HECW1: variants seen among roughly 807,000 people sequenced by gnomAD.
The protein encoded by HECW1 is HECT, C2 and WW domain containing E3 ubiquitin protein ligase 1.
HECW1 carries 61 observed loss-of-function variants against 182.3 expected under a neutral mutation model. The ratio of observed to expected loss-of-function variants is 0.33; its 90% CI spans 0.27 to 0.41. The LOEUF (loss-of-function observed/expected upper bound fraction) is 0.41, where lower values mean the gene tolerates loss of function less well. Among genes scored for constraint, HECW1 ranks in the 10% least tolerant of loss-of-function variants. The pLI, the probability that HECW1 is intolerant of heterozygous loss-of-function variation, is 1.00. For synonymous variants in HECW1, 859 were observed against 832.6 expected, an observed-to-expected ratio of 1.03 and a Z score of -0.55; for missense variants, 1,739 against 2,108.9, an observed-to-expected ratio of 0.82 and a Z score of 3.44.
At chr7:43,552,036 T>C (rs908271013) in intron 27 of HECW1, among the ~76,000 whole-genome samples, 186 bp from the exon 28 acceptor site, 2 of 152,200 alleles carry the variant, frequency 1.3e-5, no homozygotes, top group African/African-American at 4.8e-5. Flanking sequence ...CATATGAATT[T>C]GGGGAAGGAA....
Position 43,311,779 on chromosome 7 carries a change from G to A in HECW1, c.44G>A (p.Arg15Lys). 6.2e-7 allele frequency: 1 copy of A among 1,613,912 alleles called. No homozygotes were observed. Among genetic ancestry groups the A allele is most frequent in the African/African-American group, 1.3e-5 (1 of 75,042 alleles). ...LCSVKNLYQN[R>K]FLGLAAMASP... ...CTCCCACAGAATCTGTACCAGAACA[G>A]GTTTTTAGGCCTGGCCGCCATGGCG... The change falls in exon 4 of 30, where the codon AGG becomes AAG. Residue 15 changes from arginine to lysine, a missense_variant. Coordinates refer to ENST00000395891, the MANE Select transcript of HECW1 (RefSeq NM_015052.5).
intron 2 of HECW1, among the ~76,000 whole-genome samples, chr7:43,163,682 A>G (rs1011403654): frequency 2.6e-5 from 4 of 152,134 alleles, no homozygotes; most frequent in African/African-American, 9.7e-5. Context: ...GGTTCGATCA[A>G]CTAAGCTCCC....
At chr7:43,124,975 G>T (rs1224391599) in intron 2 of HECW1, among the ~76,000 whole-genome samples, 1 of 152,110 alleles carries the variant, frequency 6.6e-6, no homozygotes, top group Non-Finnish European at 1.5e-5. Context: ...AAATACCATA[G>T]ACTGAGTGAC....
rs184794122 is a variant in HECW1 at position 43,228,929 on chromosome 7, A to G, written c.-31-14946A>G. On this transcript the variant is annotated intron_variant, in intron 2 of 29. Coordinates refer to ENST00000395891, the MANE Select transcript of HECW1 (RefSeq NM_015052.5). ...AAAAACAAATGACAACGAGGAATCT[A>G]CCAAATTGGTTAACAGTGGTAGATT... Among the ~76,000 whole-genome samples the G allele has an allele frequency of 1.9e-4, 29 of 152,348 alleles. No homozygotes were observed. The East Asian group carries it at 5.4e-3, about 28-fold the overall frequency.
intron 19 of HECW1, 136 bp from the exon 20 acceptor site, chr7:43,500,563 A>G: frequency 1.4e-6 from 1 of 721,730 alleles, no homozygotes; most frequent in South Asian, 1.7e-5. Context: ...CAAACTTAGA[A>G]TTCTGCAAAA....
chr7:43,122,869 T>A (rs147778979), intron 2 of HECW1, among the ~76,000 whole-genome samples: 115 of 152,348 alleles, frequency 7.5e-4, no homozygotes, highest in African/African-American at 2.6e-3. Context: ...CACATGCATA[T>A]AATTTTTAAA....
At chr7:43,388,548 G>T (rs1350290978) in intron 6 of HECW1, among the ~76,000 whole-genome samples, 3 of 152,214 alleles carry the variant, frequency 2.0e-5, no homozygotes, top group African/African-American at 7.2e-5. Flanking sequence ...GAAAGAAGCA[G>T]TCACAGGACA....
intron 2 of HECW1, among the ~76,000 whole-genome samples, chr7:43,176,878 G>A (rs903934920): frequency 6.6e-6 from 1 of 152,158 alleles, no homozygotes; most frequent in Admixed American, 6.5e-5. Context: ...CTAGAAGTTT[G>A]TCTAAAGGCC....
intron 6 of HECW1, among the ~76,000 whole-genome samples, chr7:43,372,222 A>C (rs1218491038): frequency 6.6e-6 from 1 of 152,240 alleles, no homozygotes; most frequent in African/African-American, 2.4e-5. Context: ...AATTATTTCC[A>C]GGAAAGGATA....
chr7:43,459,970 T>C (rs1192276466), intron 13 of HECW1, among the ~76,000 whole-genome samples: 1 of 152,264 alleles, frequency 6.6e-6, no homozygotes, highest in Non-Finnish European at 1.5e-5. Context: ...CATTTAATAT[T>C]GCCGCATAGT....
chr7:43,304,639 G>A (rs574579151), intron 3 of HECW1, among the ~76,000 whole-genome samples: 17 of 152,070 alleles, frequency 1.1e-4, no homozygotes, highest in African/African-American at 2.4e-4. Context: ...TTACAGACAC[G>A]TGTCACCACA....
At chr7:43,361,363 T>C (rs991966002) in intron 6 of HECW1, among the ~76,000 whole-genome samples, 1 of 152,244 alleles carries the variant, frequency 6.6e-6, no homozygotes, top group African/African-American at 2.4e-5. Context: ...CTTATGTTTT[T>C]ATTTCTTTTA....
intron 2 of HECW1, among the ~76,000 whole-genome samples, chr7:43,224,563 G>A (rs917640692): frequency 1.3e-5 from 2 of 152,236 alleles, no homozygotes; most frequent in Admixed American, 1.3e-4. Flanking sequence ...GCTCACGCCT[G>A]TAATCACAGC....
intron 8 of HECW1, among the ~76,000 whole-genome samples, chr7:43,420,674 T>C (rs750099985): frequency 6.6e-5 from 10 of 152,064 alleles, no homozygotes; most frequent in Non-Finnish European, 1.3e-4. Flanking sequence ...TATATGCAAA[T>C]AGAAAATAAA....
At chr7:43,356,315 TCACTATA>T (rs1815128681) in intron 5 of HECW1, among the ~76,000 whole-genome samples, 1 of 151,974 alleles carries the variant, frequency 6.6e-6, no homozygotes, top group South Asian at 2.1e-4. Flanking sequence ...ATAAAGAAGG[TCACTATA>T]CAATGATAAA....
At chr7:43,206,110 T>A (rs868475817) in intron 2 of HECW1, among the ~76,000 whole-genome samples, 1 of 152,206 alleles carries the variant, frequency 6.6e-6, no homozygotes, top group Non-Finnish European at 1.5e-5. Context: ...AAAACCCATC[T>A]TTTGGAACCG....
At chr7:43,190,917 C>G (rs892927550) in intron 2 of HECW1, among the ~76,000 whole-genome samples, 4 of 152,200 alleles carry the variant, frequency 2.6e-5, no homozygotes, top group Non-Finnish European at 5.9e-5. Context: ...GAGTCTGTCT[C>G]AAGTATTAAT....
chr7:43,186,601 A>G (rs1793428899), intron 2 of HECW1, among the ~76,000 whole-genome samples: 1 of 151,384 alleles, frequency 6.6e-6, no homozygotes, highest in Admixed American at 6.6e-5. Flanking sequence ...CCTGGAAGGC[A>G]GAGCTTGCAG....
chr7:43,501,248 T>G lies in HECW1; in HGVS notation c.3557T>G (p.Leu1186Arg). The change falls in exon 21 of 30, where the codon CTG (leucine) becomes CGG (arginine). Residue 1186 changes from leucine (L) to arginine (R), a missense_variant. By Grantham distance (102) the Leu-to-Arg change is moderately radical. Around this residue, in one of 5 missense-constraint regions of HECW1, gnomAD observed 420 missense variants for 595.7 expected, o/e 0.71. Coordinates refer to ENST00000395891, the MANE Select transcript of HECW1 (RefSeq NM_015052.5). ...FEEEIMSYVP[L>R]QAAFHPGYSF... is the part of the protein sequence containing the mutation. The stretch of plus-strand genomic sequence containing the variant: ...GAAGAGATTATGTCCTACGTCCCCC[T>G]GCAGGCTGCCTTCCACCCTGGGTAT... The G allele has an allele frequency of 6.4e-7, 1 of 1,573,532 alleles. No individual in the cohort carries two copies. Among genetic ancestry groups the G allele is most frequent in the Non-Finnish European group, 8.7e-7 (1 of 1,150,454 alleles).
Sources: gnomAD v4.1 joint callset for allele counts (sites outside exome capture counted in the v4.1 genomes callset) on GRCh38, gnomAD v4.1.1 for gene constraint, gnomAD v4.1.1 regional missense constraint, MANE v1.5 for transcripts, NCBI Gene and HGNC (gene_info 2026-07-23, HGNC 2026-07-21) for gene names.